DTD1: variants seen among roughly 807,000 people sequenced by gnomAD.
DTD1 encodes D-aminoacyl-tRNA deacylase 1.
In DTD1, 13 loss-of-function variants were observed where a neutral mutation model predicts 25.6. The ratio of observed to expected loss-of-function variants is 0.51; its 90% CI spans 0.33 to 0.81. The LOEUF (loss-of-function observed/expected upper bound fraction) is 0.81. Ranked by LOEUF, DTD1 falls within the 30% of genes least tolerant of loss-of-function variation. The pLI, the probability that DTD1 is intolerant of heterozygous loss-of-function variation, is 0.02. For missense variants in DTD1, 193 were observed against 266.4 expected, an observed-to-expected ratio of 0.72 and a Z score of 1.92; for synonymous variants, 110 against 103.6, an observed-to-expected ratio of 1.06 and a Z score of -0.37.
chr20:18,645,795 T>C (rs192753292), intron 4 of DTD1, among the ~76,000 whole-genome samples: 46 of 152,294 alleles, frequency 3.0e-4, no homozygotes, highest in East Asian at 5.8e-4. Context: ...GGAGTCAGTT[T>C]GGGGCTTTGA....
At chr20:18,719,030 A>G (rs1212163250) in intron 4 of DTD1, among the ~76,000 whole-genome samples, 1 of 152,232 alleles carries the variant, frequency 6.6e-6, no homozygotes, top group Non-Finnish European at 1.5e-5. Flanking sequence ...TTGTTTCGAT[A>G]AAGCCATAAT....
chr20:18,631,547 G>A (rs188162663), intron 4 of DTD1: 3 of 985,404 alleles, frequency 3.0e-6, no homozygotes, highest in Admixed American at 6.1e-5. Context: ...CCTCCCTTCT[G>A]CTCTGCCACA....
chr20:18,693,642 G>A (rs2061057679), intron 4 of DTD1, among the ~76,000 whole-genome samples: 1 of 113,972 alleles, frequency 8.8e-6, no homozygotes, highest in Non-Finnish European at 1.8e-5. Context: ...GGGTGACAGA[G>A]CGAGACTCCC....
chr20:18,632,784 T>C, intron 4 of DTD1: 1 of 505,960 alleles, frequency 2.0e-6, no homozygotes, highest in Non-Finnish European at 2.6e-6. Flanking sequence ...TGTGTGTATA[T>C]GGATGTATAT....
At chr20:18,596,304 G>T in intron 3 of DTD1, 63 bp downstream of exon 3, 1 of 1,396,250 alleles carries the variant, frequency 7.2e-7, no homozygotes, top group Non-Finnish European at 9.9e-7. Context: ...AGAGAAAAAA[G>T]AAGCTGCAAC....
intron 4 of DTD1, among the ~76,000 whole-genome samples, chr20:18,727,065 A>G (rs961797476): frequency 2.0e-5 from 3 of 152,226 alleles, no homozygotes; most frequent in Admixed American, 2.0e-4. Context: ...GAGCAGAGTG[A>G]CAGAGGAGTC....
intron 4 of DTD1, among the ~76,000 whole-genome samples, chr20:18,721,416 G>A (rs1368246445): frequency 6.6e-6 from 1 of 152,104 alleles, no homozygotes; most frequent in African/African-American, 2.4e-5. Flanking sequence ...GTCAGATTTG[G>A]TCATAGTATA....
At chr20:18,616,957 G>T (rs993744987) in intron 3 of DTD1, among the ~76,000 whole-genome samples, 1 of 152,138 alleles carries the variant, frequency 6.6e-6, no homozygotes. Context: ...GGTCCATTTT[G>T]GTGGCTTTGC....
chr20:18,720,687 C>G (rs554135156), intron 4 of DTD1, among the ~76,000 whole-genome samples: 1 of 151,976 alleles, frequency 6.6e-6, no homozygotes, highest in African/African-American at 2.4e-5. Context: ...AAATCCCTCT[C>G]TACAAAAAAA....
Position 18,596,050 on chromosome 20 carries a change from G to A in DTD1, c.179G>A (p.Gly60Glu). 6.2e-7 allele frequency: 1 copy of A among 1,614,166 alleles called. No individual in the cohort carries two copies. The highest frequency in any genetic ancestry group is 1.1e-5 in the South Asian group (1 of 91,082). The change falls in exon 3 of 6, where the codon GGG becomes GAG. Residue 60 changes from glycine to glutamate, a missense_variant. Transcript: ENST00000377452. ...CTGCGTGTATTTGAGGATGAGAGTGGGAAGCACTGGTCGAAGAGTGTGATG... is the reference window on the plus strand; with the variant it reads ...CTGCGTGTATTTGAGGATGAGAGTGAGAAGCACTGGTCGAAGAGTGTGATG... ...LNLRVFEDES[G>E]KHWSKSVMDK...
intron 4 of DTD1, among the ~76,000 whole-genome samples, chr20:18,672,918 A>G (rs1288058679): frequency 2.6e-5 from 4 of 152,224 alleles, no homozygotes; most frequent in African/African-American, 7.2e-5. Flanking sequence ...TCCTAGATGT[A>G]GAAGTCTCCG....
At chr20:18,634,653 C>A (rs1045151692) in intron 4 of DTD1, among the ~76,000 whole-genome samples, 11 of 152,124 alleles carry the variant, frequency 7.2e-5, no homozygotes, top group Non-Finnish European at 1.5e-4. Flanking sequence ...AATCCCTGAG[C>A]CTGGACCTTG....
chr20:18,598,122 T>C (rs1453158436), intron 3 of DTD1, among the ~76,000 whole-genome samples: 3 of 152,136 alleles, frequency 2.0e-5, no homozygotes, highest in Non-Finnish European at 4.4e-5. Flanking sequence ...ACATTAGTTA[T>C]TTCTCCTAAT....
At chr20:18,725,541 T>A (rs936701577) in intron 4 of DTD1, among the ~76,000 whole-genome samples, 3 of 152,228 alleles carry the variant, frequency 2.0e-5, no homozygotes, top group African/African-American at 7.2e-5. Flanking sequence ...TGAGTTCTCT[T>A]GGGTCCAGGT....
At chr20:18,620,389 T>C (rs1490856333) in intron 3 of DTD1, among the ~76,000 whole-genome samples, 3 of 152,220 alleles carry the variant, frequency 2.0e-5, no homozygotes, top group Non-Finnish European at 4.4e-5. Flanking sequence ...TTTCACTTCC[T>C]AACCCCAACC....
chr20:18,662,153 TA>T (rs1207796547), intron 4 of DTD1, among the ~76,000 whole-genome samples: 3 of 151,962 alleles, frequency 2.0e-5, no homozygotes, highest in East Asian at 3.9e-4. Flanking sequence ...CCCCATTTCT[TA>T]AAAAAAAGTT....
At chr20:18,661,101 T>C (rs556874302) in intron 4 of DTD1, among the ~76,000 whole-genome samples, 7 of 152,228 alleles carry the variant, frequency 4.6e-5, no homozygotes, top group Non-Finnish European at 1.0e-4. Flanking sequence ...TTCATTCATC[T>C]TTGTGCCTAT....
intron 4 of DTD1, among the ~76,000 whole-genome samples, chr20:18,706,852 T>C (rs1210968590): frequency 6.6e-6 from 1 of 152,224 alleles, no homozygotes; most frequent in Non-Finnish European, 1.5e-5. Context: ...GCCATTGTAA[T>C]TGAGTTCTTT....
At chr20:18,642,713 G>C (rs1349676853) in intron 4 of DTD1, 1 of 152,582 alleles carries the variant, frequency 6.6e-6, no homozygotes, top group African/African-American at 2.4e-5. Flanking sequence ...TCTGGCTCTA[G>C]GGAAGTGACA....
Sources: gnomAD v4.1 joint callset for allele counts (sites outside exome capture counted in the v4.1 genomes callset) on GRCh38, gnomAD v4.1.1 for gene constraint, MANE v1.5 for transcripts, NCBI Gene and HGNC (gene_info 2026-07-23, HGNC 2026-07-21) for gene names.